The following FGF13 variants were observed in gnomAD, a reference collection of about 807,000 sequenced individuals.
FGF13 encodes fibroblast growth factor 13.
Under a neutral mutation model 19.5 loss-of-function variants are expected in FGF13, and 2 were observed. The ratio of observed to expected loss-of-function variants is 0.10; its 90% CI spans 0.04 to 0.32. The LOEUF (loss-of-function observed/expected upper bound fraction) is 0.32, where lower values mean the gene tolerates loss of function less well. FGF13 is among the 10% of genes least tolerant of loss of function. The probability of loss-of-function intolerance (pLI) is 1.00; values close to 1 mark genes in which losing one functional copy is unlikely to be tolerated. For synonymous variants in FGF13, 72 were observed against 76.9 expected, an observed-to-expected ratio of 0.94 and a Z score of 0.33; for missense variants, 113 against 192.7, an observed-to-expected ratio of 0.59 and a Z score of 2.45.
At chrX:138,860,894 T>C (rs982826781) in intron 2 of FGF13, among the ~76,000 whole-genome samples, 12 of 111,951 alleles carry the variant, frequency 1.1e-4, no homozygotes, top group African/African-American at 3.2e-4. Context: ...AGCCCTCCCA[T>C]TCAGGACTCC....
At chrX:138,958,743 G>C (rs1281396160) in intron 1 of FGF13, among the ~76,000 whole-genome samples, 1 of 111,586 alleles carries the variant, frequency 9.0e-6, no homozygotes, top group African/African-American at 3.3e-5. Context: ...TCCTGGTTTA[G>C]TCTTGGGAGG....
At chrX:138,852,756 G>T (rs2091231002), downstream of FGF13, among the ~76,000 whole-genome samples, 1 of 111,665 alleles carries the variant, frequency 9.0e-6, no homozygotes, top group Admixed American at 9.5e-5. Flanking sequence ...ACTATCATCA[G>T]AGTGAACAAA....
intron 1 of FGF13, among the ~76,000 whole-genome samples, chrX:139,138,510 A>G (rs1569456911): frequency 9.0e-6 from 1 of 111,638 alleles, no homozygotes; most frequent in Non-Finnish European, 1.9e-5. Context: ...CCCATCAGTT[A>G]TTTTCACATG....
intron 3 of FGF13, among the ~76,000 whole-genome samples, chrX:138,842,875 T>G (rs1312913555): frequency 1.4e-4 from 16 of 111,351 alleles, no homozygotes. Flanking sequence ...CACTACTGAC[T>G]GAAGGAAAAA....
chrX:138,785,990 A>C (rs1182115659), intron 3 of FGF13, among the ~76,000 whole-genome samples: 1 of 111,949 alleles, frequency 8.9e-6, no homozygotes, highest in Non-Finnish European at 1.9e-5. Flanking sequence ...AGTCCTTCTG[A>C]CTTTGCTTTC....
intron 1 of FGF13, among the ~76,000 whole-genome samples, chrX:138,723,638 T>TA (rs1410794360): frequency 9.0e-6 from 1 of 111,655 alleles, no homozygotes; most frequent in Non-Finnish European, 1.9e-5. Context: ...AGTAACAACT[T>TA]AATTAAGTCT....
chrX:138,816,524 G>A (rs1315499389), intron 3 of FGF13, among the ~76,000 whole-genome samples: 1 of 112,625 alleles, frequency 8.9e-6, no homozygotes. Flanking sequence ...GCTACTTATT[G>A]CAGCATTTCT....
In FGF13 at chrX:138,631,434, G is replaced by T. The variant is rs2089114600; in HGVS notation, c.*1416C>A. 8.9e-6 allele frequency: 1 copy of T among 112,134 alleles called. No individual in the cohort carries two copies. Among genetic ancestry groups the T allele is most frequent in the Non-Finnish European group, 1.9e-5 (1 of 53,202 alleles). 9.2% of individuals were successfully genotyped at this position (112,134 alleles called of 1,213,427 possible). ...TAGTAAAATAAACACACTTTAAAGT[G>T]TTCATGTTAATATGACTCTCTAGAC... On this transcript the variant is annotated 3_prime_UTR_variant, in exon 5 of 5. Coordinates refer to ENST00000315930, the MANE Select transcript of FGF13 (RefSeq NM_004114.5).
chrX:138,797,212 C>A (rs1281902783), intron 3 of FGF13, among the ~76,000 whole-genome samples: 2 of 111,406 alleles, frequency 1.8e-5, no homozygotes, highest in East Asian at 5.6e-4. Context: ...GTCTTTAATC[C>A]ATCTTGAGCC....
At chrX:139,011,925 C>T (rs1470376095) in intron 1 of FGF13, among the ~76,000 whole-genome samples, 2 of 110,865 alleles carry the variant, frequency 1.8e-5, no homozygotes, top group Middle Eastern at 4.6e-3. Flanking sequence ...ATGATATGAT[C>T]GTATACCTAG....
At chrX:138,797,699 AT>A (rs371721125) in intron 3 of FGF13, among the ~76,000 whole-genome samples, 2 of 109,563 alleles carry the variant, frequency 1.8e-5, no homozygotes, top group African/African-American at 3.3e-5. Context: ...ATGAGCATGG[AT>A]TTTTTTTTCC....
intron 1 of FGF13, among the ~76,000 whole-genome samples, chrX:138,949,686 G>C (rs756953330): frequency 3.7e-4 from 41 of 111,777 alleles, no homozygotes; most frequent in African/African-American, 1.3e-3. Flanking sequence ...GGGAGGAAAG[G>C]CTTCTCAAGA....
intron 3 of FGF13, among the ~76,000 whole-genome samples, chrX:138,646,249 T>C (rs1168372096): frequency 8.9e-6 from 1 of 112,183 alleles, no homozygotes; most frequent in African/African-American, 3.2e-5. Flanking sequence ...TCTAAAGAGC[T>C]TGTTTTAGAG....
At chrX:139,008,698 C>T (rs1242064607) in intron 1 of FGF13, among the ~76,000 whole-genome samples, 1 of 112,135 alleles carries the variant, frequency 8.9e-6, no homozygotes, top group African/African-American at 3.2e-5. Flanking sequence ...AGAATGTGAA[C>T]AGCAGCCTTT....
At chrX:139,178,973 G>T (rs182715974) in intron 1 of FGF13, among the ~76,000 whole-genome samples, 1 of 111,712 alleles carries the variant, frequency 9.0e-6, no homozygotes, top group Admixed American at 9.5e-5. Context: ...AGGAAAGAAG[G>T]AAAGAGAAAG....
chrX:138,748,854 T>TA (rs980441112), intron 3 of FGF13, among the ~76,000 whole-genome samples: 1 of 111,533 alleles, frequency 9.0e-6, no homozygotes, highest in Admixed American at 9.5e-5. Context: ...CTTACCACAA[T>TA]AAAAATATTT....
At chrX:138,849,661 C>T (rs760866104) in intron 3 of FGF13, among the ~76,000 whole-genome samples, 1 of 111,004 alleles carries the variant, frequency 9.0e-6, no homozygotes, top group South Asian at 3.9e-4. Flanking sequence ...ATGCTGGGTC[C>T]AGAAGGCAGA....
intron 1 of FGF13, among the ~76,000 whole-genome samples, chrX:139,180,890 C>T (rs917322947): frequency 7.1e-5 from 8 of 112,305 alleles, no homozygotes; most frequent in African/African-American, 2.6e-4. Context: ...TTATCTGCTG[C>T]ACTATTCCTA....
At chrX:138,701,501 T>G (rs1392544954) in intron 3 of FGF13, among the ~76,000 whole-genome samples, 1 of 112,351 alleles carries the variant, frequency 8.9e-6, no homozygotes, top group Non-Finnish European at 1.9e-5. Flanking sequence ...AAAATCACAT[T>G]TTTCATTTAG....
Sources: allele counts gnomAD v4.1 joint callset (sites outside exome capture counted in the v4.1 genomes callset), GRCh38; gene constraint gnomAD v4.1.1; transcripts MANE v1.5; gene names NCBI Gene and HGNC (gene_info 2026-07-23, HGNC 2026-07-21).